The following SMURF2 variants were observed in gnomAD, a reference collection of about 807,000 sequenced individuals.
The protein encoded by SMURF2 is SMAD specific E3 ubiquitin protein ligase 2, also known as E3 ubiquitin-protein ligase SMURF2.
Under a neutral mutation model 109.6 loss-of-function variants are expected in SMURF2, and 48 were observed. The ratio of observed to expected loss-of-function variants is 0.44; its 90% confidence interval spans 0.35 to 0.56. SMURF2 has a LOEUF of 0.56. SMURF2 is among the 20% of genes least tolerant of loss of function. The pLI is 0.01. For synonymous variants in SMURF2, 288 were observed against 317.1 expected (o/e 0.91, Z 0.97); for missense variants, 575 against 909.0 (o/e 0.63, Z 4.72).
chr17:64,626,799 ACAATCT>A (rs1234446757), intron 1 of SMURF2, among the ~76,000 whole-genome samples: 1 of 152,088 alleles, frequency 6.6e-6, no homozygotes, highest in East Asian at 1.9e-4. Context: ...TTACCTGAAC[ACAATCT>A]CACTTTGTCA....
intron 8 of SMURF2, 142 bp from the exon 9 acceptor site, chr17:64,578,718 C>T: frequency 1.7e-6 from 1 of 604,242 alleles, no homozygotes; most frequent in South Asian, 2.3e-5. Context: ...AAGGGCTTTA[C>T]AAATCATTTG....
chr17:64,555,196 C>T (rs797035105), intron 14 of SMURF2, among the ~76,000 whole-genome samples: 2 of 152,282 alleles, frequency 1.3e-5, no homozygotes, highest in African/African-American at 4.8e-5. Context: ...CATTTAACTT[C>T]CTGAGTAATG....
intron 1 of SMURF2, among the ~76,000 whole-genome samples, chr17:64,631,295 A>AGAGAGAGAGAGAGG (rs1970342901): frequency 1.1e-5 from 1 of 87,304 alleles, no homozygotes; most frequent in Non-Finnish European, 2.0e-5. Context: ...AGAGAGAGAG[A>AGAGAGAGAGAGAGG]GAGAGAGAGA....
chr17:64,606,544 A>G (rs939151842), intron 2 of SMURF2, 58 bp downstream of exon 2: 2 of 1,241,440 alleles, frequency 1.6e-6, no homozygotes, highest in African/African-American at 3.1e-5. Flanking sequence ...AGAATTCTGA[A>G]AACGCTGTTC....
intron 5 of SMURF2, among the ~76,000 whole-genome samples, chr17:64,590,179 G>A (rs1286192446): frequency 7.6e-6 from 1 of 132,260 alleles, no homozygotes; most frequent in Non-Finnish European, 1.5e-5. Context: ...TCTTGCTCTT[G>A]TCACCCAGCT....
chr17:64,592,417 C>T (rs1360166012), intron 4 of SMURF2, among the ~76,000 whole-genome samples: 2 of 152,144 alleles, frequency 1.3e-5, no homozygotes, highest in African/African-American at 4.8e-5. Context: ...TTCTTAGATG[C>T]CTTTAAATAT....
intron 1 of SMURF2, among the ~76,000 whole-genome samples, chr17:64,646,754 A>G (rs184429547): frequency 2.6e-5 from 4 of 152,298 alleles, no homozygotes; most frequent in African/African-American, 7.2e-5. Context: ...CTACAGAGAG[A>G]AATATGCCTG....
chr17:64,560,054 ATT>A (rs869202238), intron 12 of SMURF2, among the ~76,000 whole-genome samples: 3 of 144,016 alleles, frequency 2.1e-5, no homozygotes, highest in African/African-American at 2.5e-5. Flanking sequence ...ACCTGGCCAA[ATT>A]TTTTTTTTTT....
intron 15 of SMURF2, among the ~76,000 whole-genome samples, chr17:64,551,975 C>T (rs1190329307): frequency 1.3e-5 from 2 of 152,144 alleles, no homozygotes; most frequent in South Asian, 2.1e-4. Flanking sequence ...GGAAACAGGA[C>T]GTCTACTAGA....
In SMURF2 at chr17:64,581,048, C is replaced by T; in HGVS notation, c.570-57G>A. Reference sequence around the variant, plus strand: ...CAATTTAGATATCAAAAGTAGAGTTCTCTAGACAATATATATATACTGCAG... The same window carrying T: ...CAATTTAGATATCAAAAGTAGAGTTTTCTAGACAATATATATATACTGCAG... On this transcript the variant is annotated intron_variant, in intron 7 of 18. Transcript: ENST00000262435. The surrounding 1 kb of genome is among the most constrained non-coding windows in gnomAD (Gnocchi z 4.3). 6.7e-7 allele frequency: 1 copy of T among 1,482,974 alleles called. No homozygotes were observed. The highest frequency in any genetic ancestry group is 9.4e-7 in the Non-Finnish European group (1 of 1,064,346). The allele number at this position is 1,482,974 out of a possible 1,614,324, so 91.9% of individuals were successfully genotyped here.
chr17:64,629,990 G>A (rs1361513423), intron 1 of SMURF2, among the ~76,000 whole-genome samples: 1 of 152,014 alleles, frequency 6.6e-6, no homozygotes, highest in Non-Finnish European at 1.5e-5. Context: ...GTAATCCCAG[G>A]ACTTTGGGAG....
At chr17:64,617,241 C>T (rs1970139294) in intron 1 of SMURF2, among the ~76,000 whole-genome samples, 1 of 151,912 alleles carries the variant, frequency 6.6e-6, no homozygotes, top group Non-Finnish European at 1.5e-5. Flanking sequence ...TCATATTAGC[C>T]CTGCTTTTAA....
chr17:64,661,819 C>T lies in SMURF2; in HGVS notation c.52+10G>A, dbSNP rs1325876652. On this transcript the variant is annotated intron_variant, in intron 1 of 18. Transcript: ENST00000262435. Reference sequence around the variant, plus strand: ...GCGGCTGCCCAGCCCGGCCCGCCGCCCCCCCTCACCTGTCAGGCGCAGCTT... The same window carrying T: ...GCGGCTGCCCAGCCCGGCCCGCCGCTCCCCCTCACCTGTCAGGCGCAGCTT... 5.7e-6 allele frequency: 7 copies of T among 1,221,606 alleles called. No homozygotes were observed. The highest frequency in any genetic ancestry group is 7.1e-6 in the Non-Finnish European group (7 of 981,364). 75.7% of individuals were successfully genotyped at this position (1,221,606 alleles called of 1,614,324 possible). A position where few individuals can be genotyped will look rare whatever the true frequency, so the allele number is the denominator to read the frequency against.
At chr17:64,641,353 C>A (rs1461188061) in intron 1 of SMURF2, among the ~76,000 whole-genome samples, 1 of 151,422 alleles carries the variant, frequency 6.6e-6, no homozygotes, top group African/African-American at 2.4e-5. Flanking sequence ...TCCAACCCCC[C>A]AAAAAAAACA....
chr17:64,556,461 C>T (rs1164040660), intron 13 of SMURF2, among the ~76,000 whole-genome samples: 3 of 152,196 alleles, frequency 2.0e-5, no homozygotes, highest in Admixed American at 2.0e-4. Context: ...AATCACGATT[C>T]TGCCAGTCAA....
chr17:64,632,915 T>A (rs1334266526), intron 1 of SMURF2, among the ~76,000 whole-genome samples: 2 of 152,218 alleles, frequency 1.3e-5, no homozygotes, highest in South Asian at 2.1e-4. Flanking sequence ...TTAAGTGAGA[T>A]GACTTAGGTA....
intron 3 of SMURF2, among the ~76,000 whole-genome samples, chr17:64,595,003 A>C (rs2144658519): frequency 6.6e-6 from 1 of 152,236 alleles, no homozygotes; most frequent in South Asian, 2.1e-4. Flanking sequence ...AAAAAGAAAA[A>C]AAAAAGTTAC....
At chr17:64,631,848 A>G (rs2144710181) in intron 1 of SMURF2, among the ~76,000 whole-genome samples, 1 of 151,876 alleles carries the variant, frequency 6.6e-6, no homozygotes, top group South Asian at 2.1e-4. Context: ...ATTAAACACC[A>G]GACAGGATCA....
intron 1 of SMURF2, among the ~76,000 whole-genome samples, chr17:64,646,500 C>T (rs1555692991): frequency 6.6e-6 from 1 of 151,806 alleles, no homozygotes; most frequent in African/African-American, 2.4e-5. Context: ...CCTCCCACCT[C>T]AGCCTCCCAA....
Sources: allele counts gnomAD v4.1 joint callset (sites outside exome capture counted in the v4.1 genomes callset), GRCh38; gene constraint gnomAD v4.1.1; non-coding constraint Gnocchi (gnomAD v3.1); transcripts MANE v1.5; gene names NCBI Gene and HGNC (gene_info 2026-07-23, HGNC 2026-07-21).